Variants in COL28A1 observed in about 807,000 individuals in gnomAD.
COL28A1 encodes the protein collagen alpha-1(XXVIII) chain.
A neutral mutation model predicts 150.2 loss-of-function variants in COL28A1; 161 were observed. The ratio of observed to expected loss-of-function variants is 1.07; its 90% CI spans 0.94 to 1.22. The LOEUF is 1.22. Among genes scored for constraint, COL28A1 ranks in the 50% most tolerant of loss-of-function variants. COL28A1 has a pLI of 0.00. For synonymous variants in COL28A1, 552 were observed against 469.7 expected (o/e 1.18, Z -2.26); for missense variants, 1,617 against 1,388.3 (o/e 1.16, Z -2.62).
rs551868141 is a variant in COL28A1, at chr7:7,498,910, G to GCACA, written c.1026+7100_1026+7103dup. The stretch of plus-strand genomic sequence containing the variant: ...TTTACCTGACAATCTACACACACAC[G>GCACA]CACACACACACACACACAGAGTATA... On this transcript the variant is annotated intron_variant, in intron 11 of 34. Transcript: ENST00000399429. Among the ~76,000 whole-genome samples the GCACA allele has an allele frequency of 3.4e-5, 5 of 148,972 alleles. No homozygotes were observed. In the South Asian group the frequency reaches 6.4e-4, roughly 19 times the overall value.
intron 7 of COL28A1, among the ~76,000 whole-genome samples, chr7:7,516,369 T>C (rs1047820503): frequency 1.3e-5 from 2 of 152,234 alleles, no homozygotes; most frequent in African/African-American, 4.8e-5. Flanking sequence ...AAGGTTCCTT[T>C]ATCAGCCCTA....
At chr7:7,448,978 G>T (rs1251295217) in intron 18 of COL28A1, among the ~76,000 whole-genome samples, 2 of 152,056 alleles carry the variant, frequency 1.3e-5, no homozygotes, top group African/African-American at 4.8e-5. Flanking sequence ...CATAGAAGAA[G>T]TTACAGAGGG....
intron 33 of COL28A1, among the ~76,000 whole-genome samples, chr7:7,362,403 G>C (rs1033380030): frequency 4.6e-5 from 7 of 152,108 alleles, no homozygotes; most frequent in African/African-American, 1.7e-4. Context: ...CTGTGACTGA[G>C]ATAGTTTTTT....
At chr7:7,352,567 G>A (rs1026623578), downstream of COL28A1, among the ~76,000 whole-genome samples, 4 of 152,170 alleles carry the variant, frequency 2.6e-5, no homozygotes, top group African/African-American at 9.7e-5. Context: ...GACCCAACAT[G>A]CTGTTGCTGG....
At chr7:7,437,056 A>C (rs1025314718) in intron 22 of COL28A1, among the ~76,000 whole-genome samples, 2 of 152,118 alleles carry the variant, frequency 1.3e-5, no homozygotes, top group Non-Finnish European at 2.9e-5. Flanking sequence ...CCAGTCAACC[A>C]ACCTGAGTGG....
At chr7:7,393,915 G>A (rs1363151336) in intron 27 of COL28A1, among the ~76,000 whole-genome samples, 1 of 151,960 alleles carries the variant, frequency 6.6e-6, no homozygotes, top group Non-Finnish European at 1.5e-5. Context: ...CCTGGCTTTA[G>A]CCCCCTTTCC....
chr7:7,417,833 A>C, intron 27 of COL28A1, 26 bp downstream of exon 27: 1 of 1,594,558 alleles, frequency 6.3e-7, no homozygotes, highest in Non-Finnish European at 8.6e-7. Context: ...ATCAGAGGTG[A>C]CTCCAGCACA....
chr7:7,443,991 T>A (rs960577993), intron 19 of COL28A1, among the ~76,000 whole-genome samples: 1 of 150,848 alleles, frequency 6.6e-6, no homozygotes, highest in East Asian at 1.9e-4. Context: ...CTGCTGTTTT[T>A]TTTTTTTTTT....
chr7:7,503,635 T>C (rs1780652651), intron 11 of COL28A1, among the ~76,000 whole-genome samples: 1 of 152,226 alleles, frequency 6.6e-6, no homozygotes, highest in Admixed American at 6.5e-5. Flanking sequence ...GATGAAATCA[T>C]TCCCTGAAAA....
Position 7,436,461 on chromosome 7 carries a change from T to A in COL28A1, c.1794A>T (p.Gly598=). The change falls in exon 23 of 35, where the codon GGA becomes GGT. Residue 598 remains glycine (G), a splice_region_variant and synonymous_variant. Transcript: ENST00000399429. ...CAGGTATCCCAGGTCCTCCTCTATC[T>A]CCCTGTACATTTCAAATAACATTTC... ...TSIPGPPGPK[G]DRGGPGIPGF... is the part of the protein sequence containing the mutation. The A allele has an allele frequency of 7.6e-7, 1 of 1,310,278 alleles. No homozygotes were observed. Among genetic ancestry groups the A allele is most frequent in the East Asian group, 2.3e-5 (1 of 43,472 alleles). 81.2% of individuals were successfully genotyped at this position (1,310,278 alleles called of 1,614,324 possible).
Position 7,370,819 on chromosome 7 carries a change from A to C in COL28A1, c.2972T>G (p.Ile991Ser), listed in dbSNP as rs760753701. Residue 991 changes from isoleucine to serine, a missense_variant, in exon 33 of 35, where the codon ATT (isoleucine) becomes AGT (serine). Transcript: ENST00000399429. ...CEDFDSYLVQIFGSSSPQPGF... is the reference protein window; with the variant it reads ...CEDFDSYLVQSFGSSSPQPGF... Reference sequence around the variant, plus strand: ...AGGTTGAGGTGACGATGAACCAAAAATTTGAACGAGATAGGAATCAAAATC... The same window carrying C: ...AGGTTGAGGTGACGATGAACCAAAACTTTGAACGAGATAGGAATCAAAATC... 1 of 1,613,764 alleles carries C rather than the reference A, an allele frequency of 6.2e-7. No homozygotes were observed. The highest frequency in any genetic ancestry group is 1.1e-5 in the South Asian group (1 of 91,054).
At position 7,531,701 on chromosome 7, in the gene COL28A1, A is replaced by C; in HGVS notation, c.328T>G (p.Ser110Ala). ...SSVQIDPPFS[S>A]WKDLQTFKQK... ...TTAAATGTCTGCAGGTCCTTCCAGG[A>C]AGAAAAAGGTGGATCAATTTGGACA... Residue 110 changes from serine to alanine, a missense_variant, in exon 3 of 35, where the codon TCC becomes GCC. By Grantham distance (99) the Ser-to-Ala change is moderately conservative (BLOSUM62 1). Coordinates refer to ENST00000399429, the MANE Select transcript of COL28A1 (RefSeq NM_001037763.3). The C allele has an allele frequency of 6.3e-7, 1 of 1,599,982 alleles. No individual in the cohort carries two copies.
At chr7:7,436,563 C>G in intron 22 of COL28A1, 100 bp from the exon 23 acceptor site, 1 of 772,570 alleles carries the variant, frequency 1.3e-6, no homozygotes, top group Non-Finnish European at 2.3e-6. Context: ...AGAGCTTAAT[C>G]TGTCCATCTC....
intron 25 of COL28A1, among the ~76,000 whole-genome samples, chr7:7,428,725 G>C (rs974221750): frequency 1.3e-5 from 2 of 152,202 alleles, no homozygotes; most frequent in Non-Finnish European, 2.9e-5. Flanking sequence ...TTCCCACTTA[G>C]CAAGAAACCA....
chr7:7,520,456 T>C, intron 5 of COL28A1, among the ~76,000 whole-genome samples: 1 of 152,232 alleles, frequency 6.6e-6, no homozygotes, highest in South Asian at 2.1e-4. Context: ...ATAGGAGTTG[T>C]TCCCAATCTC....
chr7:7,393,368 C>G (rs915265745), intron 27 of COL28A1, among the ~76,000 whole-genome samples: 17 of 152,202 alleles, frequency 1.1e-4, no homozygotes, highest in Admixed American at 1.1e-3. Flanking sequence ...AGATGCCAGA[C>G]AGAGCTCTCC....
intron 33 of COL28A1, among the ~76,000 whole-genome samples, chr7:7,366,353 C>T (rs933237190): frequency 6.6e-6 from 1 of 152,124 alleles, no homozygotes; most frequent in African/African-American, 2.4e-5. Flanking sequence ...AAACTACAGA[C>T]TTTGGAGTCA....
intron 1 of COL28A1, among the ~76,000 whole-genome samples, chr7:7,535,159 A>C (rs1782576518): frequency 6.6e-6 from 1 of 152,186 alleles, no homozygotes; most frequent in East Asian, 1.9e-4. Flanking sequence ...CTCTGTGTTT[A>C]CTATAGGTTA....
intron 25 of COL28A1, among the ~76,000 whole-genome samples, chr7:7,429,470 GTGT>G (rs1784827626): frequency 7.6e-6 from 1 of 131,510 alleles, no homozygotes; most frequent in African/African-American, 3.3e-5. Context: ...CTGTGTGTGT[GTGT>G]GGGGGGGGGG....
Sources: allele counts gnomAD v4.1 joint callset (sites outside exome capture counted in the v4.1 genomes callset), GRCh38; gene constraint gnomAD v4.1.1; transcripts MANE v1.5; gene names NCBI Gene and HGNC (gene_info 2026-07-23, HGNC 2026-07-21).